The following ZBTB43 variants were observed in gnomAD, a reference collection of about 807,000 sequenced individuals.
ZBTB43 encodes the protein zinc finger and BTB domain containing 43.
Under a neutral mutation model 31.1 loss-of-function variants are expected in ZBTB43, and 6 were observed. That is an observed-to-expected ratio of 0.19 (90% CI 0.11 to 0.38). The LOEUF (loss-of-function observed/expected upper bound fraction) is 0.38, where lower values mean the gene tolerates loss of function less well. Ranked by LOEUF, ZBTB43 falls within the 10% of genes least tolerant of loss-of-function variation. The probability of loss-of-function intolerance (pLI) is 1.00; values close to 1 mark genes in which losing one functional copy is unlikely to be tolerated. For missense variants in ZBTB43, 379 were observed against 602.1 expected, an observed-to-expected ratio of 0.63 and a Z score of 3.88; for synonymous variants, 212 against 221.7, an observed-to-expected ratio of 0.96 and a Z score of 0.39.
At chr9:126,822,379 T>C (rs1453394178) in intron 2 of ZBTB43, among the ~76,000 whole-genome samples, 1 of 152,182 alleles carries the variant, frequency 6.6e-6, no homozygotes. Flanking sequence ...TCAAACAGCA[T>C]TGCATGCTAC....
At chr9:126,810,981 G>C (rs1588351766) in intron 2 of ZBTB43, among the ~76,000 whole-genome samples, 1 of 151,866 alleles carries the variant, frequency 6.6e-6, no homozygotes, top group Middle Eastern at 3.4e-3. Context: ...AGCACTTTGG[G>C]AGGCCAAGGT....
intron 2 of ZBTB43, chr9:126,832,280 A>G: frequency 1.9e-6 from 1 of 540,122 alleles, no homozygotes; most frequent in Non-Finnish European, 3.3e-6. Context: ...AACCAAAATC[A>G]GGAGTTCCAC....
chr9:126,823,219 CTAT>C (rs1178875807), intron 2 of ZBTB43, among the ~76,000 whole-genome samples: 1 of 152,090 alleles, frequency 6.6e-6, no homozygotes, highest in African/African-American at 2.4e-5. Flanking sequence ...GAGTCTCCAC[CTAT>C]TATTATAGAA....
At chr9:126,804,127 A>T (rs2032072985), upstream of ZBTB43, among the ~76,000 whole-genome samples, 1 of 152,136 alleles carries the variant, frequency 6.6e-6, no homozygotes, top group Non-Finnish European at 1.5e-5. Flanking sequence ...CAAAGGTAAG[A>T]GTCCCACCGC....
intron 2 of ZBTB43, chr9:126,831,535 C>T (rs1214779547): frequency 2.0e-5 from 3 of 151,892 alleles, no homozygotes; most frequent in Admixed American, 2.0e-4. Flanking sequence ...AGCGGTGGTT[C>T]ATGCCTATAA....
At chr9:126,826,725 A>C (rs545291695) in intron 2 of ZBTB43, among the ~76,000 whole-genome samples, 10 of 151,906 alleles carry the variant, frequency 6.6e-5, no homozygotes, top group Non-Finnish European at 1.2e-4. Context: ...CAGCTTCCCA[A>C]AGTGCTGGGA....
Position 126,832,963 on chromosome 9 carries a change from G to A in ZBTB43, c.454G>A (p.Val152Ile), listed in dbSNP as rs757926402. ...AAGCAGCAGTAGTTATAATGGCCTG[G>A]TAGAGAGCTTTGAGCTGGGCTCTGG... ...SPSSSSYNGL[V>I]ESFELGSGGH... The change falls in exon 3 of 3, where the codon GTA (valine) becomes ATA (isoleucine). Residue 152 changes from valine (V) to isoleucine (I), a missense_variant. Physicochemically the swap from Val to Ile is conservative, Grantham distance 29. Coordinates refer to ENST00000373464, the MANE Select transcript of ZBTB43 (RefSeq NM_014007.4). 2 of 1,613,784 alleles carry A rather than the reference G, an allele frequency of 1.2e-6. No homozygotes were observed. Among genetic ancestry groups the A allele is most frequent in the Non-Finnish European group, 1.7e-6 (2 of 1,180,016 alleles).
chr9:126,815,329 A>AATATAT (rs2032357375), intron 2 of ZBTB43, among the ~76,000 whole-genome samples: 16 of 143,696 alleles, frequency 1.1e-4, no homozygotes, highest in South Asian at 2.2e-4. Context: ...AATATATAAA[A>AATATAT]CTATATATAT....
intron 2 of ZBTB43, among the ~76,000 whole-genome samples, chr9:126,809,484 C>A (rs949571650): frequency 6.6e-6 from 1 of 152,200 alleles, no homozygotes; most frequent in Non-Finnish European, 1.5e-5. Flanking sequence ...ATTAAAGAAA[C>A]CTCTGAAGGA....
At chr9:126,828,830 CT>C (rs373725172) in intron 2 of ZBTB43, among the ~76,000 whole-genome samples, 39 of 151,884 alleles carry the variant, frequency 2.6e-4, no homozygotes, top group African/African-American at 9.0e-4. Context: ...ATAAAGTTAA[CT>C]TCCTGAATTT....
upstream of ZBTB43, among the ~76,000 whole-genome samples, chr9:126,804,347 A>G (rs2032076078): frequency 6.6e-6 from 1 of 152,182 alleles, no homozygotes; most frequent in African/African-American, 2.4e-5. Flanking sequence ...AGCATCTACT[A>G]CATGCCAAAA....
chr9:126,804,665 T>C (rs1689433832), upstream of ZBTB43, among the ~76,000 whole-genome samples: 1 of 152,128 alleles, frequency 6.6e-6, no homozygotes, highest in African/African-American at 2.4e-5. Flanking sequence ...TTGTATGTTT[T>C]GTAGAGACAG....
At chr9:126,804,167 T>TG (rs937462849), upstream of ZBTB43, among the ~76,000 whole-genome samples, 13 of 151,476 alleles carry the variant, frequency 8.6e-5, no homozygotes, top group African/African-American at 2.4e-4. Flanking sequence ...TACACTAACA[T>TG]GGGGGGGCAG....
chr9:126,828,360 G>C (rs200706229), intron 2 of ZBTB43, among the ~76,000 whole-genome samples: 2 of 151,476 alleles, frequency 1.3e-5, no homozygotes, highest in African/African-American at 4.8e-5. Context: ...ATTTTTTGTA[G>C]TTTTAGTAGA....
At position 126,833,281 on chromosome 9, in the gene ZBTB43, A is replaced by G; in HGVS notation, c.772A>G (p.Met258Val). The G allele has an allele frequency of 1.9e-6, 3 of 1,613,582 alleles. No homozygotes were observed. Among genetic ancestry groups the G allele is most frequent in the Middle Eastern group, 1.7e-4 (1 of 6,060 alleles). The change falls in exon 3 of 3, where the codon ATG (methionine) becomes GTG (valine). Residue 258 changes from methionine to valine, a missense_variant. Coordinates refer to ENST00000373464, the MANE Select transcript of ZBTB43 (RefSeq NM_014007.4). The surrounding 1 kb of genome is among the most constrained non-coding windows in gnomAD (Gnocchi z 7.9). ...PERLEQACEG[M>V]DVHATYDEHQ... ...GCGCTTAGAACAGGCTTGCGAGGGC[A>G]TGGATGTGCACGCGACCTACGACGA... is the stretch of plus-strand genomic sequence containing the variant.
chr9:126,817,537 G>A (rs923607111), intron 2 of ZBTB43, among the ~76,000 whole-genome samples: 10 of 150,952 alleles, frequency 6.6e-5, no homozygotes, highest in South Asian at 2.1e-4. Context: ...GTGCAGTGGC[G>A]TGATTGCGGC....
chr9:126,814,536 G>A (rs1051398704), intron 2 of ZBTB43, among the ~76,000 whole-genome samples: 1 of 151,886 alleles, frequency 6.6e-6, no homozygotes, highest in African/African-American at 2.4e-5. Flanking sequence ...GCTTACGCCT[G>A]TAATCCCAAC....
At chr9:126,806,270 A>G (rs1014664149) in intron 1 of ZBTB43, among the ~76,000 whole-genome samples, 16 of 152,228 alleles carry the variant, frequency 1.1e-4, no homozygotes, top group African/African-American at 2.9e-4. Context: ...GGTTTCTGGG[A>G]TAACTGCATG....
Position 126,836,451 on chromosome 9 carries a change from G to A in ZBTB43, c.*2538G>A, listed in dbSNP as rs2032880280. ...TTGGGATTTTTTTATCAGGCAGCCA[G>A]AGCCTGGGAGGTGGTAGGGTGTCTG... On this transcript the variant is annotated 3_prime_UTR_variant, in exon 3 of 3. Transcript: ENST00000373464. 1 of 167,092 alleles carries A rather than the reference G, an allele frequency of 6.0e-6. No homozygotes were observed. The highest frequency in any genetic ancestry group is 6.5e-5 in the Admixed American group (1 of 15,282). 10.4% of individuals were successfully genotyped at this position (167,092 alleles called of 1,614,324 possible).
Sources: allele counts gnomAD v4.1 joint callset (sites outside exome capture counted in the v4.1 genomes callset), GRCh38; gene constraint gnomAD v4.1.1; non-coding constraint Gnocchi (gnomAD v3.1); transcripts MANE v1.5; gene names NCBI Gene and HGNC (gene_info 2026-07-23, HGNC 2026-07-21).